The following PTN variants were observed in gnomAD, a reference collection of about 807,000 sequenced individuals.
The protein encoded by PTN is pleiotrophin.
A neutral mutation model predicts 24.1 loss-of-function variants in PTN; 18 were observed. That is an observed-to-expected ratio of 0.75 (90% CI 0.52 to 1.11). The LOEUF is 1.11. PTN is among the 50% of genes least tolerant of loss of function. PTN has a pLI of 0.00. For synonymous variants in PTN, 78 were observed against 68.6 expected (o/e 1.14, Z -0.67); for missense variants, 163 against 198.8 (o/e 0.82, Z 1.08).
intron 1 of PTN, among the ~76,000 whole-genome samples, chr7:137,277,668 C>CA (rs1429140248): frequency 1.3e-5 from 2 of 152,138 alleles, no homozygotes; most frequent in African/African-American, 4.8e-5. Flanking sequence ...CTCCCATGTT[C>CA]AAACAATCCT....
intron 1 of PTN, among the ~76,000 whole-genome samples, chr7:137,324,309 C>A (rs187206320): frequency 6.0e-4 from 90 of 150,288 alleles, no homozygotes; most frequent in Non-Finnish European, 1.1e-3. Flanking sequence ...AAAGAAGGAC[C>A]GCCTAAGCCC....
At chr7:137,245,855 A>G (rs759751919) in intron 4 of PTN, among the ~76,000 whole-genome samples, 41 of 152,244 alleles carry the variant, frequency 2.7e-4, no homozygotes, top group Non-Finnish European at 1.3e-4. Flanking sequence ...GAATAAAGAT[A>G]TAAGGAAAGA....
At chr7:137,256,644 T>C (rs1165185811) in intron 1 of PTN, among the ~76,000 whole-genome samples, 3 of 152,206 alleles carry the variant, frequency 2.0e-5, no homozygotes, top group Admixed American at 6.5e-5. Context: ...TGTGTCTTTA[T>C]ATTAAAATAA....
intron 1 of PTN, among the ~76,000 whole-genome samples, chr7:137,329,209 C>A (rs1368305592): frequency 6.6e-6 from 1 of 152,140 alleles, no homozygotes; most frequent in East Asian, 1.9e-4. Flanking sequence ...GTATAGAAAG[C>A]ACTCAATAAG....
intron 1 of PTN, among the ~76,000 whole-genome samples, chr7:137,269,946 T>C (rs1381929878): frequency 6.6e-6 from 1 of 152,126 alleles, no homozygotes; most frequent in Non-Finnish European, 1.5e-5. Flanking sequence ...CATCTATTTT[T>C]ATGTGAAGAT....
intron 1 of PTN, among the ~76,000 whole-genome samples, chr7:137,323,913 A>C (rs888700168): frequency 2.0e-5 from 3 of 152,166 alleles, no homozygotes; most frequent in Admixed American, 6.6e-5. Context: ...GAGAGAAGAG[A>C]ATCCACAGAT....
At chr7:137,240,169 T>C (rs969455612) in intron 4 of PTN, among the ~76,000 whole-genome samples, 4 of 152,110 alleles carry the variant, frequency 2.6e-5, no homozygotes, top group Non-Finnish European at 4.4e-5. Flanking sequence ...CAAGAGGTAT[T>C]TACTGATTTA....
At chr7:137,342,646 C>G (rs1350394354) in intron 1 of PTN, among the ~76,000 whole-genome samples, 1 of 151,952 alleles carries the variant, frequency 6.6e-6, no homozygotes, top group Non-Finnish European at 1.5e-5. Context: ...GAATACATTC[C>G]TCTCAAAAAA....
intron 1 of PTN, among the ~76,000 whole-genome samples, chr7:137,300,749 C>CT (rs1809793870): frequency 6.6e-6 from 1 of 151,926 alleles, no homozygotes; most frequent in Non-Finnish European, 1.5e-5. Flanking sequence ...TCGTGTGTCT[C>CT]AAATTCTCTT....
intron 3 of PTN, 117 bp downstream of exon 3, chr7:137,253,347 T>C (rs1808861769): frequency 9.0e-7 from 1 of 1,111,160 alleles, no homozygotes; most frequent in African/African-American, 1.6e-5. Context: ...GGTCACTTTG[T>C]GTCTGGTAAG....
chr7:137,250,308 T>A (rs1188289938), intron 4 of PTN, among the ~76,000 whole-genome samples: 1 of 152,192 alleles, frequency 6.6e-6, no homozygotes, highest in African/African-American at 2.4e-5. Context: ...GCTGATTTCT[T>A]CTGAAGGTTC....
At chr7:137,235,484 CAT>C (rs1808503663) in intron 4 of PTN, among the ~76,000 whole-genome samples, 3 of 152,226 alleles carry the variant, frequency 2.0e-5, no homozygotes, top group Middle Eastern at 6.8e-3. Context: ...AATACAGAAA[CAT>C]ATTTCTGTTA....
chr7:137,307,599 CTA>C (rs145563387), intron 1 of PTN, among the ~76,000 whole-genome samples: 11,163 of 151,070 alleles, frequency 0.074, 551 homozygotes, highest in East Asian at 0.17. Flanking sequence ...ATGTCTATGA[CTA>C]TATATATATA....
chr7:137,283,265 C>T (rs1809501926), intron 1 of PTN, among the ~76,000 whole-genome samples: 1 of 152,092 alleles, frequency 6.6e-6, no homozygotes, highest in Non-Finnish European at 1.5e-5. Flanking sequence ...AACAATTGCC[C>T]AGGAAGCCAT....
At chr7:137,261,255 G>A (rs1264703769) in intron 1 of PTN, among the ~76,000 whole-genome samples, 2 of 152,058 alleles carry the variant, frequency 1.3e-5, no homozygotes, top group African/African-American at 2.4e-5. Flanking sequence ...GGGCACTAGG[G>A]ATGCTCAGCT....
At chr7:137,291,329 GA>G (rs910105337) in intron 1 of PTN, among the ~76,000 whole-genome samples, 1 of 152,014 alleles carries the variant, frequency 6.6e-6, no homozygotes, top group African/African-American at 2.4e-5. Flanking sequence ...TTTATTATCA[GA>G]AAAATGGCAC....
Position 137,227,707 on chromosome 7 carries a change from C to CA in PTN, c.*312dup, listed in dbSNP as rs940455424. ...TAGTCATAACATTTAAATTGCTGCC[C>CA]AAAAAATGTAAAAAAAATTTAATGT... On this transcript the variant is annotated 3_prime_UTR_variant, in exon 5 of 5. Coordinates refer to ENST00000348225, the MANE Select transcript of PTN (RefSeq NM_002825.7). 4.0e-5 allele frequency: 8 copies of CA among 200,706 alleles called. No individual in the cohort carries two copies. Among genetic ancestry groups the CA allele is most frequent in the African/African-American group, 7.4e-5 (3 of 40,710 alleles). 12.4% of individuals were successfully genotyped at this position (200,706 alleles called of 1,614,324 possible). A position where few individuals can be genotyped will look rare whatever the true frequency, so the allele number is the denominator to read the frequency against.
At chr7:137,243,171 G>A (rs190057588) in intron 4 of PTN, among the ~76,000 whole-genome samples, 49 of 152,232 alleles carry the variant, frequency 3.2e-4, no homozygotes, top group African/African-American at 9.6e-4. Flanking sequence ...TCTTGACCTC[G>A]TGATCCGCCC....
At chr7:137,316,651 T>C (rs1161238934) in intron 1 of PTN, among the ~76,000 whole-genome samples, 2 of 152,094 alleles carry the variant, frequency 1.3e-5, no homozygotes, top group African/African-American at 2.4e-5. Context: ...GAGTGGAGAT[T>C]ACTTTCCTTT....
Sources: allele counts gnomAD v4.1 joint callset (sites outside exome capture counted in the v4.1 genomes callset), GRCh38; gene constraint gnomAD v4.1.1; transcripts MANE v1.5; gene names NCBI Gene and HGNC (gene_info 2026-07-23, HGNC 2026-07-21).